Variants in SQSTM1 observed in about 807,000 individuals in gnomAD.
SQSTM1 encodes sequestosome-1.
SQSTM1 carries 36 observed loss-of-function variants against 45.1 expected under a neutral mutation model. The observed-to-expected ratio is 0.80, with a 90% CI of 0.61 to 1.05. SQSTM1 has a LOEUF of 1.05. SQSTM1 is among the 50% of genes least tolerant of loss of function. SQSTM1 has a pLI of 0.00. For synonymous variants in SQSTM1, 290 were observed against 244.3 expected, an observed-to-expected ratio of 1.19 and a Z score of -1.74; for missense variants, 617 against 607.1, an observed-to-expected ratio of 1.02 and a Z score of -0.17.
At chr5:179,835,677 AG>A (rs1758512580) in intron 7 of SQSTM1, 2 of 47,534 alleles carry the variant, frequency 4.2e-5, no homozygotes, top group Non-Finnish European at 4.8e-5. Flanking sequence ...GAGACCGTGG[AG>A]AAAGAGGGAG....
intron 1 of SQSTM1, chr5:179,822,700 GCTGCTGCCCCTGTGCACAGGCCCT>G: frequency 2.0e-6 from 1 of 500,472 alleles, no homozygotes; most frequent in Non-Finnish European, 3.7e-6. Flanking sequence ...AGCAGCCAAA[GCTGCTGCCCCTGTGCACAGGCCCT>G]CCGCCCCCTG....
rs1371298349 is a variant in SQSTM1 at position 179,837,147 on chromosome 5, A to G, written c.*554A>G. The G allele has an allele frequency of 7.4e-7, 1 of 1,348,690 alleles. No homozygotes were observed. Among genetic ancestry groups the G allele is most frequent in the South Asian group, 1.2e-5 (1 of 80,592 alleles). The allele number at this position is 1,348,690 out of a possible 1,614,324, so 83.5% of individuals were successfully genotyped here. On this transcript the variant is annotated 3_prime_UTR_variant, in exon 8 of 8. Coordinates refer to ENST00000389805, the MANE Select transcript of SQSTM1 (RefSeq NM_003900.5). The stretch of plus-strand genomic sequence containing the variant: ...TGCCTCCTGGTCTCTTCACCACTGT[A>G]GTTCTCTCATTTCCAAACCATCAGC...
chr5:179,816,274 G>A (rs1217376099), upstream of SQSTM1, among the ~76,000 whole-genome samples: 1 of 152,132 alleles, frequency 6.6e-6, no homozygotes, highest in African/African-American at 2.4e-5. Context: ...TCAGCCTCCC[G>A]ACTAGCTGGG....
At chr5:179,821,586 C>G (rs989647942) in intron 1 of SQSTM1, 1 of 449,842 alleles carries the variant, frequency 2.2e-6, no homozygotes. Context: ...AGGAGCCGGG[C>G]GAGCGCCGGC....
Position 179,810,784 on chromosome 5 carries a change from C to T in SQSTM1, c.-156-790C>T, listed in dbSNP as rs548872554. ...ACATCCTCTCCAGCACCTGTTGTTT[C>T]CTGGGTTTTTAATGATTGGCATTCT... On this transcript the variant is annotated intron_variant, in intron 1 of 5. Coordinates refer to the SQSTM1 transcript ENST00000514093. 3.3e-5 allele frequency among the ~76,000 whole-genome samples: 5 copies of T among 152,306 alleles called. No individual in the cohort carries two copies. In the South Asian group the frequency reaches 1.0e-3, roughly 32 times the overall value.
rs562721874 is a variant in SQSTM1 at position 179,831,270 on chromosome 5, A to G, written c.755-1762A>G. 3.3e-5 allele frequency among the ~76,000 whole-genome samples: 5 copies of G among 152,346 alleles called. No homozygotes were observed. In the South Asian group the frequency reaches 6.2e-4, roughly 19 times the overall value. ...GGCTGCACAGCAAGCGGCACTCTCT[A>G]TGGAAAACACCAGAACCAGTGGGGT... On this transcript the variant is annotated intron_variant, in intron 5 of 7. Transcript: ENST00000389805.
At chr5:179,828,330 T>C (rs1758079311) in intron 5 of SQSTM1, among the ~76,000 whole-genome samples, 1 of 151,932 alleles carries the variant, frequency 6.6e-6, no homozygotes, top group Non-Finnish European at 1.5e-5. Context: ...TTTCAACTTT[T>C]CAACTTTTCT....
intron 1 of SQSTM1, chr5:179,807,606 G>T (rs1249761141): frequency 6.6e-6 from 1 of 152,400 alleles, no homozygotes; most frequent in East Asian, 1.9e-4. Context: ...ATATTGATGG[G>T]GGCCCACGCC....
At chr5:179,825,125 T>C (rs772210038) in intron 4 of SQSTM1, 21 bp from the exon 5 acceptor site, 5 of 1,607,648 alleles carry the variant, frequency 3.1e-6, no homozygotes, top group African/African-American at 2.7e-5. Context: ...TATCTTTATC[T>C]TATCTTTGTA....
chr5:179,823,500 C>T (rs10464095), intron 2 of SQSTM1: 125,572 of 286,028 alleles, frequency 0.44, 30,709 homozygotes, highest in East Asian at 0.79. Context: ...AGTGCTGTGC[C>T]TGACCTGAGA....
upstream of SQSTM1, among the ~76,000 whole-genome samples, chr5:179,816,818 G>A (rs1308804820): frequency 6.6e-6 from 1 of 152,102 alleles, no homozygotes; most frequent in African/African-American, 2.4e-5. Context: ...AGGACCTTGC[G>A]CACTCAGGCT....
intron 1 of SQSTM1, chr5:179,807,964 A>C (rs1337108044): frequency 2.0e-5 from 3 of 152,248 alleles, no homozygotes; most frequent in African/African-American, 7.2e-5. Context: ...TTGCGTTCTA[A>C]TTTCAGGCGT....
upstream of SQSTM1, among the ~76,000 whole-genome samples, chr5:179,818,615 G>C (rs1757654032): frequency 6.6e-6 from 1 of 152,146 alleles, no homozygotes; most frequent in Non-Finnish European, 1.5e-5. Context: ...GCTTGGCTCA[G>C]GCCTCTCCTG....
In SQSTM1 at chr5:179,836,944, CAT is replaced by C; in HGVS notation, c.*353_*354del. 1.6e-6 allele frequency: 1 copy of C among 607,298 alleles called. No individual in the cohort carries two copies. Among genetic ancestry groups the C allele is most frequent in the Non-Finnish European group, 2.9e-6 (1 of 344,016 alleles). The allele number at this position is 607,298 out of a possible 1,614,324, so 37.6% of individuals were successfully genotyped here. On this transcript the variant is annotated 3_prime_UTR_variant, in exon 8 of 8. Coordinates refer to ENST00000389805, the MANE Select transcript of SQSTM1 (RefSeq NM_003900.5). ...ACTTTCTCTTTTGTTTTAAATGACTCATAGGTCCCTGACATTTAGTTGATTAT... is the reference window on the plus strand; with the variant it reads ...ACTTTCTCTTTTGTTTTAAATGACTCAGGTCCCTGACATTTAGTTGATTAT...
upstream of SQSTM1, among the ~76,000 whole-genome samples, chr5:179,819,446 G>T (rs564938911): frequency 9.2e-5 from 14 of 152,272 alleles, no homozygotes; most frequent in East Asian, 2.5e-3. Flanking sequence ...GGCGCCTTGA[G>T]CGCTTCCTCA....
intron 5 of SQSTM1, among the ~76,000 whole-genome samples, chr5:179,828,399 CT>C (rs1758088546): frequency 1.2e-5 from 1 of 83,446 alleles, no homozygotes; most frequent in Non-Finnish European, 2.3e-5. Context: ...TTGAGACAGA[CT>C]TTTGCTCTTG....
At position 179,820,964 on chromosome 5, in the gene SQSTM1, C is replaced by G. The variant is rs771845079; in HGVS notation, c.28C>G (p.Leu10Val). ...GGCGTCGCTCACCGTGAAGGCCTAC[C>G]TTCTGGGCAAGGAGGACGCGGCGCG... is the stretch of plus-strand genomic sequence containing the variant. MASLTVKAY[L>V]LGKEDAAREI... is the part of the protein sequence containing the mutation. Residue 10 changes from leucine (L) to valine (V), a missense_variant, in exon 1 of 8, where the codon CTT becomes GTT. By Grantham distance (32) the Leu-to-Val change is conservative. Coordinates refer to ENST00000389805, the MANE Select transcript of SQSTM1 (RefSeq NM_003900.5). 3.2e-6 allele frequency: 5 copies of G among 1,574,506 alleles called. No individual in the cohort carries two copies. In the East Asian group the frequency reaches 1.2e-4, roughly 38 times the overall value.
At chr5:179,816,592 G>C (rs1054661031), upstream of SQSTM1, among the ~76,000 whole-genome samples, 65 of 152,232 alleles carry the variant, frequency 4.3e-4, 2 homozygotes, top group Non-Finnish European at 1.2e-4. Context: ...TCACCGCTCT[G>C]TCTGGCGCTG....
Position 179,837,277 on chromosome 5 carries a change from G to A in SQSTM1, c.*684G>A. 3 of 1,606,798 alleles carry A rather than the reference G, an allele frequency of 1.9e-6. No individual in the cohort carries two copies. In the South Asian group the frequency reaches 3.3e-5, roughly 18 times the overall value. On this transcript the variant is annotated 3_prime_UTR_variant, in exon 8 of 8. Transcript: ENST00000389805. ...CAATGACGTTTGCATAGAGAGAAAT[G>A]ATTGACAGTAAGTTTATTGTTAATG...
Sources: gnomAD v4.1 joint callset for allele counts (sites outside exome capture counted in the v4.1 genomes callset) on GRCh38, gnomAD v4.1.1 for gene constraint, MANE v1.5 for transcripts, NCBI Gene and HGNC (gene_info 2026-07-23, HGNC 2026-07-21) for gene names.